The following DOCK4 variants were observed in gnomAD, a reference collection of about 807,000 sequenced individuals.
The protein encoded by DOCK4 is dedicator of cytokinesis protein 4.
In DOCK4, 97 loss-of-function variants were observed where a neutral mutation model predicts 268.1. The ratio of observed to expected loss-of-function variants is 0.36; its 90% CI spans 0.31 to 0.43. The LOEUF is 0.43. DOCK4 is among the 20% of genes least tolerant of loss of function. DOCK4 has a pLI of 1.00. For missense variants in DOCK4, 2,145 were observed against 2,455.7 expected (o/e 0.87, Z 2.67); for synonymous variants, 954 against 887.2 (o/e 1.08, Z -1.34).
intron 1 of DOCK4, among the ~76,000 whole-genome samples, chr7:112,191,404 T>G (rs1819941224): frequency 6.7e-6 from 1 of 149,190 alleles, no homozygotes; most frequent in Non-Finnish European, 1.5e-5. Context: ...CCCATCCCCA[T>G]CTCCTGAGGC....
chr7:111,927,890 G>A (rs991145947), intron 12 of DOCK4, among the ~76,000 whole-genome samples: 6 of 152,106 alleles, frequency 3.9e-5, no homozygotes, highest in African/African-American at 7.2e-5. Context: ...AGTGCCCTCC[G>A]TATATTGGAT....
chr7:111,941,604 C>T (rs549190341), intron 10 of DOCK4, among the ~76,000 whole-genome samples: 1 of 151,728 alleles, frequency 6.6e-6, no homozygotes, highest in East Asian at 1.9e-4. Context: ...CTGAGTGGAG[C>T]ACTTCAAAGT....
chr7:112,018,537 T>C (rs1279135542), intron 1 of DOCK4, among the ~76,000 whole-genome samples: 2 of 152,224 alleles, frequency 1.3e-5, no homozygotes, highest in Non-Finnish European at 2.9e-5. Flanking sequence ...TATAAGCTAA[T>C]GAAATTAGCT....
chr7:111,944,896 T>C (rs1795496739), intron 9 of DOCK4, 25 bp from the exon 10 acceptor site: 1 of 1,612,346 alleles, frequency 6.2e-7, no homozygotes, highest in African/African-American at 1.3e-5. Context: ...AGTTTGGTTA[T>C]TTTGGAAGAC....
chr7:112,194,438 C>T (rs1820241388), intron 1 of DOCK4, among the ~76,000 whole-genome samples: 1 of 152,224 alleles, frequency 6.6e-6, no homozygotes, highest in Non-Finnish European at 1.5e-5. Flanking sequence ...GAAAACACAT[C>T]TTCACTGTGG....
chr7:112,160,173 A>C (rs1816979918), intron 1 of DOCK4, among the ~76,000 whole-genome samples: 1 of 152,220 alleles, frequency 6.6e-6, no homozygotes, highest in Admixed American at 6.5e-5. Flanking sequence ...CTGCAGTCAG[A>C]GCAAGGGCTC....
chr7:111,961,843 A>G (rs955446881), intron 8 of DOCK4, among the ~76,000 whole-genome samples: 2 of 152,242 alleles, frequency 1.3e-5, no homozygotes, highest in Non-Finnish European at 2.9e-5. Context: ...CTATGGGGCT[A>G]GTGACTAAAC....
intron 51 of DOCK4, among the ~76,000 whole-genome samples, 156 bp downstream of exon 51, chr7:111,734,898 G>A (rs1245636546): frequency 6.6e-6 from 1 of 152,194 alleles, no homozygotes; most frequent in South Asian, 2.1e-4. Context: ...AGAAGTTCAG[G>A]AAAGAGGGAG....
At chr7:111,795,050 AG>A (rs1199089502) in intron 30 of DOCK4, among the ~76,000 whole-genome samples, 1 of 152,056 alleles carries the variant, frequency 6.6e-6, no homozygotes, top group Non-Finnish European at 1.5e-5. Flanking sequence ...CTGATGGGAG[AG>A]TGCAATCACA....
intron 30 of DOCK4, among the ~76,000 whole-genome samples, chr7:111,794,374 A>G (rs555563351): frequency 1.3e-5 from 2 of 152,298 alleles, no homozygotes; most frequent in Non-Finnish European, 2.9e-5. Context: ...CTATTTCAGA[A>G]CTTTCAGTGA....
intron 1 of DOCK4, among the ~76,000 whole-genome samples, chr7:112,104,183 T>C (rs920801044): frequency 6.6e-6 from 1 of 152,236 alleles, no homozygotes; most frequent in Admixed American, 6.5e-5. Context: ...TTTCTTACCA[T>C]AGTGGTCATT....
Position 111,826,552 on chromosome 7 carries a change from CA to C in DOCK4, c.2836-4097del, listed in dbSNP as rs993318801. On this transcript the variant is annotated intron_variant, in intron 26 of 52. Coordinates refer to ENST00000428084, the MANE Select transcript of DOCK4 (RefSeq NM_001363540.2). ...TACACCATGGAATACTATGCAGCCA[CA>C]AAAAAAGAACAAAATCATGTCCTTT... Among the ~76,000 whole-genome samples, 14 of 151,904 alleles carry C rather than the reference CA, an allele frequency of 9.2e-5. No homozygotes were observed. The South Asian group carries it at 1.5e-3, about 16-fold the overall frequency.
In DOCK4 at chr7:111,994,125, G is replaced by T. The variant is rs755538363; in HGVS notation, c.315+10C>A. ...ACCCGAAAAATCGTGTCATTAAAAAGCTACTTAACCACATAGAGTTGTTTC... is the reference window on the plus strand; with the variant it reads ...ACCCGAAAAATCGTGTCATTAAAAATCTACTTAACCACATAGAGTTGTTTC... On this transcript the variant is annotated intron_variant, in intron 5 of 52. Transcript: ENST00000428084. 4 of 1,550,340 alleles carry T rather than the reference G, an allele frequency of 2.6e-6. No individual in the cohort carries two copies. In the South Asian group the frequency reaches 3.6e-5, roughly 14 times the overall value.
In DOCK4 at chr7:111,758,510, C is replaced by A. The variant is rs1371075056; in HGVS notation, c.4329+114G>T. Reference sequence around the variant, plus strand: ...CACTAGACTAAATGATTTATATAGTCCCTTCTGTTTCTGTCACTTGACACT... The same window carrying A: ...CACTAGACTAAATGATTTATATAGTACCTTCTGTTTCTGTCACTTGACACT... On this transcript the variant is annotated intron_variant, in intron 41 of 52. Coordinates refer to ENST00000428084, the MANE Select transcript of DOCK4 (RefSeq NM_001363540.2). 8.4e-6 allele frequency: 10 copies of A among 1,186,926 alleles called. No homozygotes were observed. In the East Asian group the frequency reaches 2.3e-4, roughly 27 times the overall value. 73.5% of individuals were successfully genotyped at this position (1,186,926 alleles called of 1,614,324 possible).
At chr7:112,190,576 A>G (rs544763085) in intron 1 of DOCK4, among the ~76,000 whole-genome samples, 1 of 152,132 alleles carries the variant, frequency 6.6e-6, no homozygotes, top group Admixed American at 6.5e-5. Flanking sequence ...TATGAGAGAA[A>G]GAATTGCCCA....
At chr7:112,006,223 T>C (rs1465737312) in intron 1 of DOCK4, among the ~76,000 whole-genome samples, 2 of 152,196 alleles carry the variant, frequency 1.3e-5, no homozygotes, top group Non-Finnish European at 2.9e-5. Context: ...ATCCTCACTG[T>C]AAATCATCAC....
chr7:112,031,697 C>T (rs2135460051), intron 1 of DOCK4, among the ~76,000 whole-genome samples: 1 of 152,246 alleles, frequency 6.6e-6, no homozygotes, highest in East Asian at 1.9e-4. Flanking sequence ...CACTTCAAGC[C>T]TCTTCAAATT....
At chr7:112,084,448 A>G (rs1237366082) in intron 1 of DOCK4, among the ~76,000 whole-genome samples, 1 of 152,200 alleles carries the variant, frequency 6.6e-6, no homozygotes, top group Non-Finnish European at 1.5e-5. Flanking sequence ...GCAGCATGAT[A>G]CATGGATCTT....
At chr7:111,805,696 G>T (rs531587728) in intron 30 of DOCK4, among the ~76,000 whole-genome samples, 2 of 152,230 alleles carry the variant, frequency 1.3e-5, no homozygotes, top group South Asian at 4.2e-4. Flanking sequence ...AAAACAACAT[G>T]TTTCTAGCAT....
Sources: allele counts gnomAD v4.1 joint callset (sites outside exome capture counted in the v4.1 genomes callset), GRCh38; gene constraint gnomAD v4.1.1; transcripts MANE v1.5; gene names NCBI Gene and HGNC (gene_info 2026-07-23, HGNC 2026-07-21).